The following CNKSR2 variants were observed in gnomAD, a reference collection of about 807,000 sequenced individuals.
CNKSR2 encodes the protein CNK homolog protein 2.
In CNKSR2, 14 loss-of-function variants were observed where a neutral mutation model predicts 84.4. That is an observed-to-expected ratio of 0.17 (90% CI 0.11 to 0.26). The LOEUF is 0.26. Among genes scored for constraint, CNKSR2 ranks in the 10% least tolerant of loss-of-function variants. The pLI, the probability that CNKSR2 is intolerant of heterozygous loss-of-function variation, is 1.00. For missense variants in CNKSR2, 485 were observed against 771.2 expected (o/e 0.63, Z 4.40); for synonymous variants, 275 against 277.9 (o/e 0.99, Z 0.10).
At chrX:21,434,341 G>T (rs1276940261) in intron 3 of CNKSR2, among the ~76,000 whole-genome samples, 1 of 111,429 alleles carries the variant, frequency 9.0e-6, no homozygotes, top group East Asian at 2.8e-4. Flanking sequence ...CACTATAGTA[G>T]TCCTTGAGAT....
chrX:21,429,246 A>G (rs1475784456), intron 2 of CNKSR2: 1 of 112,271 alleles, frequency 8.9e-6, no homozygotes, highest in Admixed American at 9.4e-5. Flanking sequence ...ATGGCCAAGT[A>G]TATGAACAAA....
At chrX:21,483,009 G>T (rs1390686609) in intron 5 of CNKSR2, among the ~76,000 whole-genome samples, 1 of 111,355 alleles carries the variant, frequency 9.0e-6, no homozygotes, top group Non-Finnish European at 1.9e-5. Flanking sequence ...TTTAATATTG[G>T]GTTAAAATTG....
intron 9 of CNKSR2, among the ~76,000 whole-genome samples, chrX:21,522,714 A>G (rs2091797276): frequency 9.0e-6 from 1 of 110,795 alleles, no homozygotes. Flanking sequence ...CAGAGGCTTT[A>G]AAGTGAGACC....
chrX:21,450,065 C>CTG (rs112215037), intron 4 of CNKSR2, among the ~76,000 whole-genome samples: 5,058 of 107,245 alleles, frequency 0.047, 291 homozygotes, highest in African/African-American at 0.16. Flanking sequence ...TGTGTTTGTA[C>CTG]TGTGTGTGTG....
intron 5 of CNKSR2, among the ~76,000 whole-genome samples, chrX:21,476,837 G>C (rs934864500): frequency 8.9e-6 from 1 of 112,038 alleles, no homozygotes; most frequent in Middle Eastern, 4.6e-3. Context: ...CTATTGATCT[G>C]ATCTTTTCCT....
intron 14 of CNKSR2, 21 bp from the exon 15 acceptor site, chrX:21,591,001 A>G: frequency 8.5e-7 from 1 of 1,170,882 alleles, no homozygotes; most frequent in East Asian, 3.0e-5. Flanking sequence ...ACAAAATTGA[A>G]AGAGCATTTC....
intron 1 of CNKSR2, among the ~76,000 whole-genome samples, chrX:21,409,233 TA>T (rs2090307269): frequency 8.7e-4 from 1 of 1,149 alleles, no homozygotes; most frequent in Non-Finnish European, 1.6e-3. Context: ...AAAAATTATA[TA>T]TATATATATA....
At chrX:21,469,820 G>A (rs2091175849) in intron 4 of CNKSR2, among the ~76,000 whole-genome samples, 1 of 110,983 alleles carries the variant, frequency 9.0e-6, no homozygotes, top group African/African-American at 3.3e-5. Context: ...GCTGAGGCAG[G>A]AGAATCACTT....
chrX:21,574,377 C>T (rs965325152), intron 13 of CNKSR2, among the ~76,000 whole-genome samples: 2 of 111,795 alleles, frequency 1.8e-5, no homozygotes, highest in East Asian at 5.6e-4. Context: ...CATTCTCACA[C>T]TGCTAATAAA....
chrX:21,571,233 G>A (rs2092281632), intron 13 of CNKSR2, among the ~76,000 whole-genome samples: 1 of 112,081 alleles, frequency 8.9e-6, no homozygotes, highest in Non-Finnish European at 1.9e-5. Context: ...CACCATAACA[G>A]ATATAATAAT....
intron 4 of CNKSR2, among the ~76,000 whole-genome samples, chrX:21,462,898 G>T (rs1012540418): frequency 9.2e-6 from 1 of 109,230 alleles, no homozygotes; most frequent in Non-Finnish European, 1.9e-5. Flanking sequence ...GTAGAGATGG[G>T]GTTTCACTGG....
chrX:21,637,162 A>G (rs956702822), intron 20 of CNKSR2: 1 of 111,779 alleles, frequency 8.9e-6, no homozygotes, highest in Non-Finnish European at 1.9e-5. Context: ...CTCCTGGATA[A>G]GTAATTAAGT....
At chrX:21,595,078 GAT>G in intron 16 of CNKSR2, 31 bp downstream of exon 16, 1 of 1,060,319 alleles carries the variant, frequency 9.4e-7, no homozygotes, top group East Asian at 3.1e-5. Flanking sequence ...AAGAGGGAAC[GAT>G]AGTTTTTTTT....
intron 18 of CNKSR2, among the ~76,000 whole-genome samples, chrX:21,605,752 G>A (rs1391289277): frequency 8.9e-6 from 1 of 112,109 alleles, no homozygotes; most frequent in Non-Finnish European, 1.9e-5. Flanking sequence ...ATGGGAATTC[G>A]TGGGTGGAGA....
intron 1 of CNKSR2, among the ~76,000 whole-genome samples, chrX:21,398,353 C>T (rs2090146185): frequency 8.9e-6 from 1 of 111,758 alleles, no homozygotes; most frequent in Non-Finnish European, 1.9e-5. Context: ...TACTTTTTTT[C>T]ACCACTATAA....
intron 8 of CNKSR2, among the ~76,000 whole-genome samples, chrX:21,509,757 G>A (rs1337707778): frequency 2.7e-5 from 3 of 111,351 alleles, no homozygotes; most frequent in Non-Finnish European, 5.7e-5. Context: ...AGGTGAAGAT[G>A]GATTTCGTAG....
At position 21,397,501 on chromosome X, in the gene CNKSR2, A is replaced by G. The variant is rs2090135857; in HGVS notation, c.64+22540A>G. 5.4e-5 allele frequency among the ~76,000 whole-genome samples: 6 copies of G among 111,032 alleles called. No homozygotes were observed. The South Asian group carries it at 2.3e-3, about 42-fold the overall frequency. ...ACCAAAAAAGTACATTTGATACCAC[A>G]TGTTCTCACTCATATGTGGGAGCTA... On this transcript the variant is annotated intron_variant, in intron 1 of 21. Coordinates refer to ENST00000379510, the MANE Select transcript of CNKSR2 (RefSeq NM_014927.5).
chrX:21,611,697 G>C (rs138622111), intron 20 of CNKSR2, among the ~76,000 whole-genome samples: 236 of 111,951 alleles, frequency 2.1e-3, no homozygotes, highest in African/African-American at 6.9e-3. Flanking sequence ...TTACATTTCA[G>C]ATGAGTTTAG....
intron 1 of CNKSR2, among the ~76,000 whole-genome samples, chrX:21,406,436 T>G (rs780646300): frequency 3.6e-5 from 4 of 111,741 alleles, no homozygotes; most frequent in Admixed American, 9.5e-5. Flanking sequence ...AATAAAAATG[T>G]AGTTTTAGCC....
Sources: allele counts gnomAD v4.1 joint callset (sites outside exome capture counted in the v4.1 genomes callset), GRCh38; gene constraint gnomAD v4.1.1; transcripts MANE v1.5; gene names NCBI Gene and HGNC (gene_info 2026-07-23, HGNC 2026-07-21).